BTD: variants seen among roughly 807,000 people sequenced by gnomAD.
BTD encodes the protein biocytinase.
In BTD, 13 loss-of-function variants were observed where a neutral mutation model predicts 17.7. The ratio of observed to expected loss-of-function variants is 0.74; its 90% confidence interval spans 0.48 to 1.17. BTD has a LOEUF of 1.17. Ranked by LOEUF, BTD falls within the 50% of genes most tolerant of loss-of-function variation. The pLI is 0.00. For missense variants in BTD, 674 were observed against 650.4 expected (o/e 1.04, Z -0.39); for synonymous variants, 240 against 245.2 (o/e 0.98, Z 0.20).
intron 3 of BTD, among the ~76,000 whole-genome samples, chr3:15,692,589 C>G (rs2455812): frequency 0.54 from 82,051 of 152,098 alleles, 23,022 homozygotes; most frequent in Middle Eastern, 0.64. Context: ...TCCAGTATGA[C>G]TAAAATTAGG....
In BTD at chr3:15,699,726, C is replaced by G. The variant is rs186235346; in HGVS notation, c.400-10334C>G. Among the ~76,000 whole-genome samples the G allele has an allele frequency of 1.7e-3, 264 of 152,288 alleles. 1 individual carries two copies. The highest frequency in any genetic ancestry group is 2.9e-3 in the Non-Finnish European group (200 of 68,022). On this transcript the variant is annotated intron_variant, in intron 3 of 3. Transcript: ENST00000672141. ...GTTAGAATGGCCATCATTAAAAAGTCAGGAAACAACAGATGCTGGAGAGGA... is the reference window on the plus strand; with the variant it reads ...GTTAGAATGGCCATCATTAAAAAGTGAGGAAACAACAGATGCTGGAGAGGA...
Position 15,679,741 on chromosome 3 carries a change from T to C in BTD, c.400-30319T>C, listed in dbSNP as rs573266038. On this transcript the variant is annotated intron_variant, in intron 3 of 3. Transcript: ENST00000672141. ...TAAGCCACCAGTAGTTCCTGAAAATTTCTAGGCATATACAACTGCACGCAC... is the reference window on the plus strand; with the variant it reads ...TAAGCCACCAGTAGTTCCTGAAAATCTCTAGGCATATACAACTGCACGCAC... Among the ~76,000 whole-genome samples, 7 of 152,272 alleles carry C rather than the reference T, an allele frequency of 4.6e-5. No homozygotes were observed. The South Asian group carries it at 1.4e-3, about 32-fold the overall frequency.
chr3:15,683,165 T>C (rs1186684942), intron 3 of BTD, among the ~76,000 whole-genome samples: 1 of 152,112 alleles, frequency 6.6e-6, no homozygotes, highest in Non-Finnish European at 1.5e-5. Context: ...ACTGTGTGAT[T>C]TTTCCAATGG....
chr3:15,718,169 T>C (rs2073293081), intron 4 of BTD, among the ~76,000 whole-genome samples: 1 of 152,160 alleles, frequency 6.6e-6, no homozygotes. Flanking sequence ...ATATTGTGTG[T>C]AAGAGCTGGA....
chr3:15,701,295 G>C (rs1381691095), intron 3 of BTD, among the ~76,000 whole-genome samples: 1 of 152,098 alleles, frequency 6.6e-6, no homozygotes, highest in African/African-American at 2.4e-5. Flanking sequence ...ATCCATTTAA[G>C]TGCAATTTTG....
chr3:15,667,141 CA>C (rs1430043414), intron 3 of BTD: 1 of 152,092 alleles, frequency 6.6e-6, no homozygotes, highest in African/African-American at 2.4e-5. Context: ...GCTAAAAAGT[CA>C]TTTTTTTATT....
At chr3:15,602,457 A>G (rs2064295157) in intron 1 of BTD, 3 of 390,280 alleles carry the variant, frequency 7.7e-6, no homozygotes, top group Non-Finnish European at 1.1e-5. Flanking sequence ...ATAGCCTTTT[A>G]AAACATTTTT....
chr3:15,694,566 C>A (rs1409863730), intron 3 of BTD, among the ~76,000 whole-genome samples: 10 of 150,298 alleles, frequency 6.7e-5, no homozygotes, highest in Non-Finnish European at 1.5e-4. Context: ...AAAACAAAAA[C>A]CCAGCACATT....
rs150444756 is a variant in BTD at position 15,626,185 on chromosome 3, A to G, written c.-16-9239A>G. Among the ~76,000 whole-genome samples, 920 of 152,260 alleles carry G rather than the reference A, an allele frequency of 6.0e-3. 7 individuals are homozygous for G. Among genetic ancestry groups the G allele is most frequent in the African/African-American group, 0.021 (876 of 41,546 alleles). On this transcript the variant is annotated intron_variant, in intron 1 of 3. Coordinates refer to ENST00000643237, the MANE Select transcript of BTD (RefSeq NM_001370658.1). ...CCTGTTGTTATTCATCCATCCCAGT[A>G]TCATATTCAATCAACCTCCCCCACC... is the stretch of plus-strand genomic sequence containing the variant.
chr3:15,690,952 G>A (rs949707535), intron 3 of BTD, among the ~76,000 whole-genome samples: 4 of 151,964 alleles, frequency 2.6e-5, no homozygotes, highest in East Asian at 1.9e-4. Context: ...TTGAATATTC[G>A]GATTTCTCAA....
chr3:15,701,260 A>G (rs1327039235), intron 3 of BTD, among the ~76,000 whole-genome samples: 1 of 152,192 alleles, frequency 6.6e-6, no homozygotes. Context: ...CTTCATTGTA[A>G]TATCTTCAAT....
In BTD at chr3:15,651,218, G is replaced by A. The variant is rs1028319645; in HGVS notation, c.*5730G>A. ...CTGGGACAGCGTTACCAGGGGAAGG[G>A]GAGTGGGATATAGTTGGGCCAAAAC... On this transcript the variant is annotated 3_prime_UTR_variant, in exon 4 of 4. Coordinates refer to ENST00000643237, the MANE Select transcript of BTD (RefSeq NM_001370658.1). 6.6e-6 allele frequency among the ~76,000 whole-genome samples: 1 copy of A among 152,218 alleles called. No individual in the cohort carries two copies. The highest frequency in any genetic ancestry group is 2.4e-5 in the African/African-American group (1 of 41,450).
At chr3:15,710,570 A>G (rs777938397) in exon 4 of BTD, among the ~76,000 whole-genome samples, 9 of 152,224 alleles carry the variant, frequency 5.9e-5, no homozygotes, top group Non-Finnish European at 1.2e-4. Flanking sequence ...AGAAATTATC[A>G]TTGAGAATAA....
At position 15,653,378 on chromosome 3, in the gene BTD, G is replaced by T. The variant is rs2065836255; in HGVS notation, c.*7890G>T. 6.6e-6 allele frequency among the ~76,000 whole-genome samples: 1 copy of T among 152,238 alleles called. No homozygotes were observed. The highest frequency in any genetic ancestry group is 6.5e-5 in the Admixed American group (1 of 15,286). On this transcript the variant is annotated 3_prime_UTR_variant, in exon 4 of 4. Coordinates refer to ENST00000643237, the MANE Select transcript of BTD (RefSeq NM_001370658.1). ...CCATTTTACAGAAGAAGGAACTAAGGCCTGGAAGGCAAGTCCTTGCCTGAG... is the reference window on the plus strand; with the variant it reads ...CCATTTTACAGAAGAAGGAACTAAGTCCTGGAAGGCAAGTCCTTGCCTGAG...
chr3:15,675,879 G>A, intron 3 of BTD: 1 of 1,579,848 alleles, frequency 6.3e-7, no homozygotes, highest in African/African-American at 1.3e-5. Flanking sequence ...TAAGGGAAGA[G>A]AATATAGAAC....
chr3:15,601,451 T>C (rs781439459), upstream of BTD: 1 of 1,613,530 alleles, frequency 6.2e-7, no homozygotes, highest in Admixed American at 1.7e-5. Context: ...TCTGCGAAGT[T>C]ACTGTCCGGC....
At chr3:15,715,072 A>AT (rs2072844364), downstream of BTD, among the ~76,000 whole-genome samples, 1 of 152,230 alleles carries the variant, frequency 6.6e-6, no homozygotes, top group Non-Finnish European at 1.5e-5. Flanking sequence ...TTAAAACTAC[A>AT]TATATTTGTT....
chr3:15,616,867 C>CT (rs1248502062), intron 1 of BTD, among the ~76,000 whole-genome samples: 2 of 152,010 alleles, frequency 1.3e-5, no homozygotes, highest in African/African-American at 4.8e-5. Flanking sequence ...GAGTCTCACT[C>CT]TGTCACCCAG....
At chr3:15,710,025 C>T (rs772108949) in intron 3 of BTD, among the ~76,000 whole-genome samples, 1 of 128,836 alleles carries the variant, frequency 7.8e-6, no homozygotes, top group African/African-American at 3.0e-5. Flanking sequence ...TAGGAAACAA[C>T]TTGCTTATAG....
Sources: gnomAD v4.1 joint callset for allele counts (sites outside exome capture counted in the v4.1 genomes callset) on GRCh38, gnomAD v4.1.1 for gene constraint, MANE v1.5 for transcripts, NCBI Gene and HGNC (gene_info 2026-07-23, HGNC 2026-07-21) for gene names.